SDK1: variants seen among roughly 807,000 people sequenced by gnomAD.
SDK1 encodes sidekick cell adhesion molecule 1, also known as protein sidekick-1.
SDK1 carries 157 observed loss-of-function variants against 245.5 expected under a neutral mutation model. The observed-to-expected ratio is 0.64, with a 90% CI of 0.56 to 0.73. SDK1 has a LOEUF of 0.73. Ranked by LOEUF, SDK1 falls within the 30% of genes least tolerant of loss-of-function variation. The pLI is 0.00. For synonymous variants in SDK1, 1,647 were observed against 1,278.5 expected (o/e 1.29, Z -6.15); for missense variants, 3,583 against 3,002.3 (o/e 1.19, Z -4.52).
At chr7:3,731,579 C>T (rs775840654) in intron 4 of SDK1, among the ~76,000 whole-genome samples, 3 of 152,184 alleles carry the variant, frequency 2.0e-5, no homozygotes, top group Admixed American at 6.5e-5. Flanking sequence ...TGCACCTGAG[C>T]AGGCATCTGG....
At chr7:4,181,436 C>G (rs1782597803) in intron 35 of SDK1, among the ~76,000 whole-genome samples, 2 of 152,218 alleles carry the variant, frequency 1.3e-5, no homozygotes, top group African/African-American at 4.8e-5. Flanking sequence ...CAGTGCAGAG[C>G]TGAGACAGCC....
At chr7:3,863,720 G>C (rs754371643) in intron 5 of SDK1, among the ~76,000 whole-genome samples, 30 of 152,214 alleles carry the variant, frequency 2.0e-4, no homozygotes, top group Non-Finnish European at 3.5e-4. Flanking sequence ...CTTTCACTCA[G>C]TGCAATGTCT....
At chr7:4,182,806 A>G (rs1782673523) in intron 35 of SDK1, among the ~76,000 whole-genome samples, 1 of 152,164 alleles carries the variant, frequency 6.6e-6, no homozygotes, top group Admixed American at 6.5e-5. Flanking sequence ...CTGTGAGGCC[A>G]CTTTAGGGCC....
chr7:4,194,483 C>T (rs1027053400), intron 35 of SDK1, among the ~76,000 whole-genome samples: 3 of 151,472 alleles, frequency 2.0e-5, no homozygotes, highest in African/African-American at 7.3e-5. Context: ...TATATACTCC[C>T]ATATATATGG....
At chr7:3,838,466 G>T (rs1467945046) in intron 5 of SDK1, among the ~76,000 whole-genome samples, 1 of 152,242 alleles carries the variant, frequency 6.6e-6, no homozygotes, top group Non-Finnish European at 1.5e-5. Context: ...TTGGGAAGAG[G>T]TCATCCTGGC....
chr7:3,990,270 C>T (rs935354572), intron 14 of SDK1, among the ~76,000 whole-genome samples: 2 of 152,246 alleles, frequency 1.3e-5, no homozygotes, highest in South Asian at 4.1e-4. Context: ...AGAGTCCAGG[C>T]CCTTCTCCCC....
chr7:3,947,857 C>G (rs1313205160), intron 5 of SDK1, among the ~76,000 whole-genome samples: 2 of 151,934 alleles, frequency 1.3e-5, no homozygotes, highest in Admixed American at 6.6e-5. Flanking sequence ...CAATAGATGC[C>G]TATAATTTAA....
In SDK1 at chr7:4,110,747, A is replaced by C. The variant is rs765790242; in HGVS notation, c.3409A>C (p.Asn1137His). The C allele has an allele frequency of 2.5e-6, 4 of 1,613,142 alleles. No homozygotes were observed. The highest frequency in any genetic ancestry group is 3.4e-6 in the Non-Finnish European group (4 of 1,179,116). The change falls in exon 23 of 45, where the codon AAC becomes CAC. Residue 1137 changes from asparagine to histidine, a missense_variant. Physicochemically the swap from Asn to His is moderately conservative, Grantham distance 68. Transcript: ENST00000404826. ...EPDAQMLEIP[N>H]LTPYTHYRFR... ...TGATGCCCAGATGCTGGAGATCCCAAACCTCACACCCTACACTCACTACAG... is the reference window on the plus strand; with the variant it reads ...TGATGCCCAGATGCTGGAGATCCCACACCTCACACCCTACACTCACTACAG...
In SDK1 at chr7:3,848,957, G is replaced by C. The variant is rs373700615; in HGVS notation, c.847+27374G>C. ...AGTGCCGGGATTACAGGCGTGAGCC[G>C]CCGCGCCCGGCCTGGAGTTTTCTTT... On this transcript the variant is annotated intron_variant, in intron 5 of 44. Transcript: ENST00000404826. 2.8e-3 allele frequency among the ~76,000 whole-genome samples: 428 copies of C among 152,254 alleles called. 6 individuals carry two copies. In the South Asian group the frequency reaches 0.031, roughly 11 times the overall value.
At chr7:3,400,913 C>A (rs1778871705) in intron 1 of SDK1, among the ~76,000 whole-genome samples, 1 of 152,280 alleles carries the variant, frequency 6.6e-6, no homozygotes, top group Admixed American at 6.5e-5. Context: ...TATCTCTACC[C>A]AGTCTCGTGT....
Position 4,017,357 on chromosome 7 carries a change from G to C in SDK1, c.2602+5G>C, listed in dbSNP as rs1462947010. ...CCGAGTACACCTTGCAGGGAGGTAA[G>C]CTTGTCTCCAAAACCACGAGGTGGC... On this transcript the variant is annotated splice_donor_5th_base_variant and intron_variant, in intron 17 of 44. Coordinates refer to ENST00000404826, the MANE Select transcript of SDK1 (RefSeq NM_152744.4). The C allele has an allele frequency of 6.2e-7, 1 of 1,600,368 alleles. No individual in the cohort carries two copies. Among genetic ancestry groups the C allele is most frequent in the African/African-American group, 1.3e-5 (1 of 74,630 alleles).
chr7:4,063,003 T>G (rs1295594924), intron 19 of SDK1, among the ~76,000 whole-genome samples: 1 of 152,168 alleles, frequency 6.6e-6, no homozygotes, highest in Non-Finnish European at 1.5e-5. Context: ...AACATCACAC[T>G]GAATGGGGAA....
chr7:3,787,173 C>CAA, intron 4 of SDK1, among the ~76,000 whole-genome samples: 1 of 151,654 alleles, frequency 6.6e-6, no homozygotes, highest in Admixed American at 6.6e-5. Flanking sequence ...CACACACACA[C>CAA]ACACACACAC....
chr7:3,914,498 C>G (rs539014809), intron 5 of SDK1, among the ~76,000 whole-genome samples: 9 of 152,304 alleles, frequency 5.9e-5, no homozygotes, highest in Non-Finnish European at 1.0e-4. Flanking sequence ...GCTCCTGGAA[C>G]TCAGAAATGG....
intron 32 of SDK1, among the ~76,000 whole-genome samples, chr7:4,171,884 TGTGGG>T (rs1781861701): frequency 6.6e-6 from 1 of 152,168 alleles, no homozygotes; most frequent in African/African-American, 2.4e-5. Context: ...TGAAGAGGGC[TGTGGG>T]GCATTGACAA....
chr7:4,015,900 C>T (rs553160286), intron 16 of SDK1, among the ~76,000 whole-genome samples: 27 of 152,296 alleles, frequency 1.8e-4, no homozygotes, highest in African/African-American at 4.8e-4. Flanking sequence ...CAAGAGGGAA[C>T]GGGAGAATGC....
At chr7:3,601,784 G>C (rs952309336) in intron 1 of SDK1, among the ~76,000 whole-genome samples, 3 of 150,464 alleles carry the variant, frequency 2.0e-5, no homozygotes, top group Non-Finnish European at 4.4e-5. Context: ...CCATTAACTC[G>C]TCATTTAGCA....
At chr7:3,544,109 TA>T (rs1779138492) in intron 1 of SDK1, among the ~76,000 whole-genome samples, 1 of 152,214 alleles carries the variant, frequency 6.6e-6, no homozygotes, top group Non-Finnish European at 1.5e-5. Flanking sequence ...GGAAATGCTT[TA>T]GACTACCTGG....
Position 3,834,449 on chromosome 7 carries a change from G to A in SDK1, c.847+12866G>A, listed in dbSNP as rs998343907. Among the ~76,000 whole-genome samples the A allele has an allele frequency of 1.7e-4, 26 of 152,170 alleles. 1 individual carries two copies. The highest frequency in any genetic ancestry group is 7.3e-5 in the Non-Finnish European group (5 of 68,030). ...GCTTCCGAAGCACAGGCAAGGGAACGATGAATTCTGCTTCCGATGCTGGAA... is the reference window on the plus strand; with the variant it reads ...GCTTCCGAAGCACAGGCAAGGGAACAATGAATTCTGCTTCCGATGCTGGAA... On this transcript the variant is annotated intron_variant, in intron 5 of 44. Coordinates refer to ENST00000404826, the MANE Select transcript of SDK1 (RefSeq NM_152744.4).
Sources: gnomAD v4.1 joint callset for allele counts (sites outside exome capture counted in the v4.1 genomes callset) on GRCh38, gnomAD v4.1.1 for gene constraint, MANE v1.5 for transcripts, NCBI Gene and HGNC (gene_info 2026-07-23, HGNC 2026-07-21) for gene names.